Variants in PCDHA8 observed in about 807,000 individuals in gnomAD.
The protein encoded by PCDHA8 is protocadherin alpha 8.
A neutral mutation model predicts 61.8 loss-of-function variants in PCDHA8; 53 were observed. The observed-to-expected ratio is 0.86, with a 90% CI of 0.69 to 1.08. The LOEUF (loss-of-function observed/expected upper bound fraction) is 1.08. PCDHA8 is among the 50% of genes least tolerant of loss of function. The pLI is 0.00. For missense variants in PCDHA8, 1,293 were observed against 1,245.0 expected, an observed-to-expected ratio of 1.04 and a Z score of -0.58; for synonymous variants, 618 against 556.6, an observed-to-expected ratio of 1.11 and a Z score of -1.55.
At chr5:140,987,022 T>C (rs1218338191) in intron 3 of PCDHA8, among the ~76,000 whole-genome samples, 1 of 152,068 alleles carries the variant, frequency 6.6e-6, no homozygotes, top group African/African-American at 2.4e-5. Flanking sequence ...GAGACCAGCC[T>C]GGTCAACATG....
At chr5:140,855,460 A>T (rs2150336256) in intron 1 of PCDHA8, among the ~76,000 whole-genome samples, 1 of 150,080 alleles carries the variant, frequency 6.7e-6, no homozygotes, top group African/African-American at 2.4e-5. Context: ...TAAACACCTC[A>T]CAGATAGTTG....
chr5:140,878,450 A>T (rs2057594535), intron 1 of PCDHA8, among the ~76,000 whole-genome samples: 1 of 152,224 alleles, frequency 6.6e-6, no homozygotes, highest in Non-Finnish European at 1.5e-5. Context: ...TCTTATTTAC[A>T]TGAAATATAA....
intron 1 of PCDHA8, chr5:140,865,219 G>C (rs2048775576): frequency 6.6e-6 from 1 of 152,062 alleles, no homozygotes; most frequent in Admixed American, 6.5e-5. Context: ...TTTCTTTAAA[G>C]GGATCCCAGA....
intron 1 of PCDHA8, among the ~76,000 whole-genome samples, chr5:140,977,388 T>C (rs1187960215): frequency 6.6e-6 from 1 of 152,248 alleles, no homozygotes; most frequent in East Asian, 1.9e-4. Flanking sequence ...TCCAGGTTTA[T>C]AAAATGATTT....
chr5:140,977,899 C>A (rs1193855952), intron 1 of PCDHA8, among the ~76,000 whole-genome samples: 1 of 152,124 alleles, frequency 6.6e-6, no homozygotes, highest in East Asian at 1.9e-4. Context: ...CAAAATACAA[C>A]TTTTATCCCC....
At chr5:140,856,260 G>T (rs782445424) in intron 1 of PCDHA8, 1 of 1,598,174 alleles carries the variant, frequency 6.3e-7, no homozygotes, top group Non-Finnish European at 8.6e-7. Context: ...AAAAGACACG[G>T]GGACCTTCTG....
At chr5:140,880,084 T>TAGTA (rs2058231039) in intron 1 of PCDHA8, among the ~76,000 whole-genome samples, 1 of 152,208 alleles carries the variant, frequency 6.6e-6, no homozygotes. Context: ...CAACCTATTA[T>TAGTA]AGTAGGCTTA....
chr5:140,851,507 AAT>A, intron 1 of PCDHA8: 1 of 903,816 alleles, frequency 1.1e-6, no homozygotes, highest in Non-Finnish European at 1.3e-6. Flanking sequence ...ACTTATATAA[AAT>A]ATGTTTTAAA....
chr5:140,864,184 A>T (rs2153225198), intron 1 of PCDHA8: 1 of 152,304 alleles, frequency 6.6e-6, no homozygotes, highest in East Asian at 1.9e-4. Context: ...ATGATGAATA[A>T]TGATCCTTAT....
In PCDHA8 at chr5:140,858,410, T is replaced by C; in HGVS notation, c.2394+14695T>C. ...GGTAGATGTGGACGGGGAAGATCAG[T>C]CTATTGGAGGGGACCACTCTAGGAA... On this transcript the variant is annotated intron_variant, in intron 1 of 3. Transcript: ENST00000531613. 7.7e-6 allele frequency: 12 copies of C among 1,565,560 alleles called. 2 individuals are homozygous for C. The highest frequency in any genetic ancestry group is 1.0e-5 in the Non-Finnish European group (12 of 1,147,708).
At chr5:140,940,017 T>C (rs1418030283) in intron 1 of PCDHA8, among the ~76,000 whole-genome samples, 1 of 152,234 alleles carries the variant, frequency 6.6e-6, no homozygotes, top group Non-Finnish European at 1.5e-5. Flanking sequence ...TTTTGTGTCA[T>C]ATGTTTTAAG....
chr5:140,895,861 G>C (rs1248344470), intron 1 of PCDHA8, among the ~76,000 whole-genome samples: 2 of 152,184 alleles, frequency 1.3e-5, no homozygotes, highest in African/African-American at 4.8e-5. Context: ...CCCCAGGCTG[G>C]AGTGCAATGG....
At chr5:140,854,018 C>T (rs1041101905) in intron 1 of PCDHA8, 6 of 346,140 alleles carry the variant, frequency 1.7e-5, no homozygotes, top group East Asian at 1.7e-4. Context: ...AAAAATTAGC[C>T]GGGCATGGTG....
chr5:141,006,105 G>T (rs2098255059), intron 3 of PCDHA8, among the ~76,000 whole-genome samples: 1 of 143,364 alleles, frequency 7.0e-6, no homozygotes. Context: ...ATGGTAAGGA[G>T]TTTTTTTTTT....
rs781859537 is a variant in PCDHA8, at chr5:140,858,340, G to A, written c.2394+14625G>A. Reference sequence around the variant, plus strand: ...TGTGTTCTGGGGAGGGCCTGCCCAAGGCGGACCTCATGGCCTTCAGCCCCA... The same window carrying A: ...TGTGTTCTGGGGAGGGCCTGCCCAAAGCGGACCTCATGGCCTTCAGCCCCA... On this transcript the variant is annotated intron_variant, in intron 1 of 3. Coordinates refer to ENST00000531613, the MANE Select transcript of PCDHA8 (RefSeq NM_018911.3). The A allele has an allele frequency of 1.2e-5, 19 of 1,595,540 alleles. No individual in the cohort carries two copies. In the South Asian group the frequency reaches 1.3e-4, roughly 11 times the overall value.
intron 1 of PCDHA8, among the ~76,000 whole-genome samples, chr5:140,975,301 C>A (rs943526337): frequency 2.3e-4 from 35 of 152,200 alleles, no homozygotes; most frequent in African/African-American, 8.4e-4. Flanking sequence ...TTAAAGAGCT[C>A]ATGTGATTAT....
rs1186272048 is a variant in PCDHA8, at chr5:140,851,988, ATTTG to A, written c.2394+8281_2394+8284del. ...CCACACTCTACCTTTAGTGCAAGCT[ATTTG>A]TTTGTTTTCTAATTTATAGTTTTAA... On this transcript the variant is annotated intron_variant, in intron 1 of 3. Coordinates refer to ENST00000531613, the MANE Select transcript of PCDHA8 (RefSeq NM_018911.3). The A allele has an allele frequency of 2.0e-6, 2 of 975,736 alleles. 1 individual carries two copies. Among genetic ancestry groups the A allele is most frequent in the African/African-American group, 3.5e-5 (2 of 56,556 alleles). 60.4% of individuals were successfully genotyped at this position (975,736 alleles called of 1,614,324 possible).
In PCDHA8 at chr5:141,006,221, T is replaced by C. The variant is rs559314025; in HGVS notation, c.2543-3406T>C. Among the ~76,000 whole-genome samples, 485 of 152,162 alleles carry C rather than the reference T, an allele frequency of 3.2e-3. 7 individuals carry two copies. The highest frequency in any genetic ancestry group is 0.01 in the Middle Eastern group (3 of 294). On this transcript the variant is annotated intron_variant, in intron 3 of 3. Transcript: ENST00000531613. Reference sequence around the variant, plus strand: ...GTTATGCCTCATTTTTTTTTAAATTTTTTATTTTTAGATGGAGTCTTGCTC... The same window carrying C: ...GTTATGCCTCATTTTTTTTTAAATTCTTTATTTTTAGATGGAGTCTTGCTC...
chr5:140,872,850 G>A (rs1439631581), intron 1 of PCDHA8, among the ~76,000 whole-genome samples: 2 of 152,084 alleles, frequency 1.3e-5, no homozygotes, highest in East Asian at 3.8e-4. Context: ...ATATATTAAT[G>A]TGAGTACCTA....
Sources: gnomAD v4.1 joint callset for allele counts (sites outside exome capture counted in the v4.1 genomes callset) on GRCh38, gnomAD v4.1.1 for gene constraint, MANE v1.5 for transcripts, NCBI Gene and HGNC (gene_info 2026-07-23, HGNC 2026-07-21) for gene names.